DNAH11: variants seen among roughly 807,000 people sequenced by gnomAD.
DNAH11 encodes axonemal beta dynein heavy chain 11.
DNAH11 carries 442 observed loss-of-function variants against 526.0 expected under a neutral mutation model. The ratio of observed to expected loss-of-function variants is 0.84; its 90% CI spans 0.78 to 0.91. The LOEUF is 0.91. Ranked by LOEUF, DNAH11 falls within the 40% of genes least tolerant of loss-of-function variation. The pLI is 0.00. For synonymous variants in DNAH11, 2,461 were observed against 1,935.9 expected (o/e 1.27, Z -7.12); for missense variants, 6,989 against 5,448.7 (o/e 1.28, Z -8.90).
In DNAH11 at chr7:21,749,803, T is replaced by G. The variant is rs895211619; in HGVS notation, c.8797+2T>G. ...TGATTAATGACTTGCTGGCATCAGG[T>G]GATTAAACCAACACATTTCTTGAAA... On this transcript the variant is annotated splice_donor_variant, in intron 53 of 81. Coordinates refer to ENST00000409508, the MANE Select transcript of DNAH11 (RefSeq NM_001277115.2). LOFTEE classifies it high-confidence loss of function. The G allele has an allele frequency of 6.2e-7, 1 of 1,613,546 alleles. No individual in the cohort carries two copies. Among genetic ancestry groups the G allele is most frequent in the African/African-American group, 1.3e-5 (1 of 74,890 alleles).
intron 62 of DNAH11, among the ~76,000 whole-genome samples, chr7:21,807,120 C>A (rs767819925): frequency 2.0e-5 from 3 of 152,150 alleles, no homozygotes; most frequent in Non-Finnish European, 4.4e-5. Context: ...CCATTGCCAG[C>A]ATGTTAAAAA....
chr7:21,710,766 C>G, intron 41 of DNAH11, 63 bp downstream of exon 41: 1 of 1,483,988 alleles, frequency 6.7e-7, no homozygotes, highest in South Asian at 1.4e-5. Context: ...GAGTTCGATT[C>G]ACTTGTCGAT....
At chr7:21,737,576 A>T (rs1487573629) in intron 46 of DNAH11, among the ~76,000 whole-genome samples, 1 of 152,216 alleles carries the variant, frequency 6.6e-6, no homozygotes, top group Non-Finnish European at 1.5e-5. Context: ...TGAGTAGTAT[A>T]AGAGCTATAT....
intron 35 of DNAH11, among the ~76,000 whole-genome samples, chr7:21,696,774 T>A (rs922968448): frequency 3.3e-5 from 5 of 152,190 alleles, no homozygotes; most frequent in African/African-American, 1.2e-4. Flanking sequence ...GGAACATCAG[T>A]CTGCCTCTCT....
intron 28 of DNAH11, among the ~76,000 whole-genome samples, chr7:21,646,938 T>C (rs1419973284): frequency 2.0e-5 from 3 of 152,224 alleles, no homozygotes; most frequent in Non-Finnish European, 4.4e-5. Flanking sequence ...TAAAGTTTAC[T>C]GAGCATGTGA....
intron 67 of DNAH11, 45 bp from the exon 68 acceptor site, chr7:21,854,270 T>C: frequency 1.2e-6 from 2 of 1,600,560 alleles, no homozygotes; most frequent in South Asian, 1.1e-5. Flanking sequence ...GCGTAGAGAA[T>C]ATGAAGAGTA....
At chr7:21,816,969 C>T (rs1008999980) in intron 64 of DNAH11, among the ~76,000 whole-genome samples, 2 of 152,134 alleles carry the variant, frequency 1.3e-5, no homozygotes, top group African/African-American at 4.8e-5. Context: ...TGTAAATTTT[C>T]TAAAGCCAAG....
Position 21,899,984 on chromosome 7 carries a change from C to T in DNAH11, c.13167C>T (p.Ile4389=). The T allele has an allele frequency of 6.2e-7, 1 of 1,613,772 alleles. No homozygotes were observed. The highest frequency in any genetic ancestry group is 8.5e-7 in the Non-Finnish European group (1 of 1,179,806). The change falls in exon 81 of 82, where the codon ATC becomes ATT. Residue 4389 remains isoleucine, a synonymous_variant. Coordinates refer to ENST00000409508, the MANE Select transcript of DNAH11 (RefSeq NM_001277115.2). The part of the protein sequence containing the change: ...FFNPQSFLTA[I]MQTMARKNEW... ...ATTTTTGTTATATTTCCAAAGCAATCATGCAGACGATGGCTCGAAAAAATG... is the reference window on the plus strand; with the variant it reads ...ATTTTTGTTATATTTCCAAAGCAATTATGCAGACGATGGCTCGAAAAAATG...
chr7:21,846,558 C>T (rs1020443833), intron 66 of DNAH11, among the ~76,000 whole-genome samples: 1 of 151,900 alleles, frequency 6.6e-6, no homozygotes, highest in African/African-American at 2.4e-5. Context: ...GGAATAAATC[C>T]CACTTGGTCG....
At chr7:21,784,915 A>T (rs1340597802) in intron 58 of DNAH11, among the ~76,000 whole-genome samples, 1 of 152,206 alleles carries the variant, frequency 6.6e-6, no homozygotes, top group Non-Finnish European at 1.5e-5. Flanking sequence ...CCTCTGGAAT[A>T]TAAAGAGTAG....
At chr7:21,643,277 T>G (rs1235346245) in intron 28 of DNAH11, among the ~76,000 whole-genome samples, 1 of 152,244 alleles carries the variant, frequency 6.6e-6, no homozygotes, top group Non-Finnish European at 1.5e-5. Flanking sequence ...TTGCACCCTT[T>G]CAGGTTGTTA....
chr7:21,601,798 A>G (rs962316393), intron 18 of DNAH11, among the ~76,000 whole-genome samples, 180 bp downstream of exon 18: 1 of 152,082 alleles, frequency 6.6e-6, no homozygotes, highest in African/African-American at 2.4e-5. Context: ...TCTCAAGGTC[A>G]TGCAAATAGT....
At chr7:21,845,510 T>G (rs1428468040) in intron 66 of DNAH11, among the ~76,000 whole-genome samples, 1 of 152,168 alleles carries the variant, frequency 6.6e-6, no homozygotes, top group African/African-American at 2.4e-5. Flanking sequence ...TAAAGATCAG[T>G]TGGCCATATT....
chr7:21,713,967 C>G (rs1043762480), intron 42 of DNAH11, among the ~76,000 whole-genome samples: 1 of 152,210 alleles, frequency 6.6e-6, no homozygotes, highest in African/African-American at 2.4e-5. Context: ...GCAGCCCTGA[C>G]TCCCTCTGTA....
chr7:21,663,334 G>A (rs1562737710), intron 30 of DNAH11, among the ~76,000 whole-genome samples: 1 of 152,086 alleles, frequency 6.6e-6, no homozygotes, highest in Non-Finnish European at 1.5e-5. Flanking sequence ...CCTTTCAGTA[G>A]ATACTTGGTA....
intron 51 of DNAH11, among the ~76,000 whole-genome samples, chr7:21,746,700 C>G (rs1786166848): frequency 1.3e-5 from 2 of 152,104 alleles, no homozygotes; most frequent in African/African-American, 2.4e-5. Context: ...TTCTTAGGCC[C>G]TAGAACCTAC....
intron 54 of DNAH11, among the ~76,000 whole-genome samples, chr7:21,754,220 T>G (rs1158867068): frequency 6.6e-6 from 1 of 152,208 alleles, no homozygotes; most frequent in Non-Finnish European, 1.5e-5. Flanking sequence ...GTTTCACTGT[T>G]AGGTCTTATG....
chr7:21,855,323 A>G (rs377595180), intron 68 of DNAH11, among the ~76,000 whole-genome samples: 32 of 152,154 alleles, frequency 2.1e-4, no homozygotes, highest in African/African-American at 7.5e-4. Context: ...GAGCCACCGC[A>G]CCTGGCCAGC....
At chr7:21,844,706 C>A (rs118145051) in intron 66 of DNAH11, among the ~76,000 whole-genome samples, 1 of 152,190 alleles carries the variant, frequency 6.6e-6, no homozygotes. Flanking sequence ...ACCCCAGATC[C>A]CACTAAATGA....
Sources: allele counts gnomAD v4.1 joint callset (sites outside exome capture counted in the v4.1 genomes callset), GRCh38; gene constraint gnomAD v4.1.1; transcripts MANE v1.5; gene names NCBI Gene and HGNC (gene_info 2026-07-23, HGNC 2026-07-21).